The following RAP1A variants were observed in gnomAD, a reference collection of about 807,000 sequenced individuals.
The protein encoded by RAP1A is ras-related protein Rap-1A.
RAP1A carries 6 observed loss-of-function variants against 26.4 expected under a neutral mutation model. The observed-to-expected ratio is 0.23, with a 90% CI of 0.12 to 0.45. The LOEUF is 0.45. Ranked by LOEUF, RAP1A falls within the 20% of genes least tolerant of loss-of-function variation. RAP1A has a pLI of 0.99. For missense variants in RAP1A, 121 were observed against 217.2 expected (o/e 0.56, Z 2.78); for synonymous variants, 73 against 79.4 (o/e 0.92, Z 0.43).
chr1:111,585,806 T>A (rs779527745), intron 1 of RAP1A, among the ~76,000 whole-genome samples: 4 of 152,172 alleles, frequency 2.6e-5, no homozygotes, highest in African/African-American at 9.7e-5. Context: ...CATTTAATTA[T>A]AAGATAAGCC....
intron 1 of RAP1A, among the ~76,000 whole-genome samples, chr1:111,662,890 C>T (rs370402258): frequency 6.6e-6 from 1 of 151,962 alleles, no homozygotes; most frequent in Non-Finnish European, 1.5e-5. Context: ...CCCAGATATT[C>T]CTGCAAAAGT....
At position 111,628,034 on chromosome 1, in the gene RAP1A, G is replaced by A. The variant is rs561318440; in HGVS notation, c.-28+8100G>A. ...GCCACTTACTAAGTACATGATTGGA[G>A]GCAACCTGCTAAATATGTGTATGAT... is the stretch of plus-strand genomic sequence containing the variant. On this transcript the variant is annotated intron_variant, in intron 1 of 7. Coordinates refer to ENST00000369709, the MANE Select transcript of RAP1A (RefSeq NM_002884.4). 1.4e-4 allele frequency among the ~76,000 whole-genome samples: 22 copies of A among 152,054 alleles called. No homozygotes were observed. In the South Asian group the frequency reaches 3.5e-3, roughly 24 times the overall value.
intron 1 of RAP1A, among the ~76,000 whole-genome samples, chr1:111,574,530 T>C (rs1658109466): frequency 6.6e-6 from 1 of 152,252 alleles, no homozygotes; most frequent in South Asian, 2.1e-4. Flanking sequence ...GCACTGGATC[T>C]GTAAATTGCT....
chr1:111,634,303 G>A (rs554052952), intron 1 of RAP1A, among the ~76,000 whole-genome samples: 4 of 151,970 alleles, frequency 2.6e-5, no homozygotes, highest in Non-Finnish European at 5.9e-5. Flanking sequence ...AGGCCAAAGT[G>A]TTCTATAGAA....
rs1402915441 is a variant in RAP1A at position 111,593,679 on chromosome 1, T to TTTTTA, written c.-28+51170_-28+51171insTTTTA. Among the ~76,000 whole-genome samples, 4 of 144,130 alleles carry TTTTTA rather than the reference T, an allele frequency of 2.8e-5. No individual in the cohort carries two copies. The East Asian group carries it at 8.0e-4, about 29-fold the overall frequency. 94.6% of individuals were successfully genotyped at this position (144,130 alleles called of 152,430 possible). A position where few individuals can be genotyped will look rare whatever the true frequency, so the allele number is the denominator to read the frequency against. Reference sequence around the variant, plus strand: ...TTTTTTTTTTTTTTTTTTTTTTTTTTACCTTTCTAAGTAAAAAAGGAGTGG... The same window carrying TTTTTA: ...TTTTTTTTTTTTTTTTTTTTTTTTTTTTTTAACCTTTCTAAGTAAAAAAGGAGTGG... On this transcript the variant is annotated intron_variant, in intron 1 of 7. Transcript: ENST00000356415.
At chr1:111,547,037 T>A (rs1657058720) in intron 1 of RAP1A, among the ~76,000 whole-genome samples, 1 of 152,226 alleles carries the variant, frequency 6.6e-6, no homozygotes. Flanking sequence ...CTGTTGTGCA[T>A]CAAATTATTT....
At chr1:111,701,141 T>G (rs981915540) in intron 4 of RAP1A, among the ~76,000 whole-genome samples, 8 of 151,946 alleles carry the variant, frequency 5.3e-5, no homozygotes, top group Admixed American at 2.7e-4. Context: ...CCCTGAAAGG[T>G]CCAAATGAGA....
At chr1:111,701,034 C>T (rs1203270451) in intron 4 of RAP1A, among the ~76,000 whole-genome samples, 1 of 152,170 alleles carries the variant, frequency 6.6e-6, no homozygotes, top group African/African-American at 2.4e-5. Flanking sequence ...CACACAGTAA[C>T]CATCATAATT....
intron 1 of RAP1A, among the ~76,000 whole-genome samples, chr1:111,597,004 G>A (rs1658575614): frequency 1.3e-5 from 2 of 152,148 alleles, no homozygotes; most frequent in Non-Finnish European, 2.9e-5. Flanking sequence ...CGAAAGGTGT[G>A]GGCTGGAGTT....
chr1:111,585,954 C>T (rs1375697618), intron 1 of RAP1A, among the ~76,000 whole-genome samples: 1 of 152,202 alleles, frequency 6.6e-6, no homozygotes, highest in Non-Finnish European at 1.5e-5. Flanking sequence ...TCCTGCCACC[C>T]TCCATTGCAT....
intron 1 of RAP1A, among the ~76,000 whole-genome samples, chr1:111,678,615 A>G (rs1661200114): frequency 6.6e-6 from 1 of 152,204 alleles, no homozygotes; most frequent in African/African-American, 2.4e-5. Flanking sequence ...AGAATACTGT[A>G]GGCAGTTGTA....
At chr1:111,649,453 T>A in intron 1 of RAP1A, 1 of 347,298 alleles carries the variant, frequency 2.9e-6, no homozygotes, top group Non-Finnish European at 5.6e-6. Context: ...CCCCAGCACC[T>A]GGATAGACGC....
At chr1:111,635,188 A>G (rs1659690929) in intron 1 of RAP1A, among the ~76,000 whole-genome samples, 1 of 152,196 alleles carries the variant, frequency 6.6e-6, no homozygotes, top group African/African-American at 2.4e-5. Flanking sequence ...GAGAAATAGG[A>G]AAGATTTTGT....
rs567632426 is a variant in RAP1A, at chr1:111,663,959, A to G, written c.-27-27375A>G. 6.6e-5 allele frequency among the ~76,000 whole-genome samples: 10 copies of G among 152,248 alleles called. No individual in the cohort carries two copies. The East Asian group carries it at 7.7e-4, about 12-fold the overall frequency. On this transcript the variant is annotated intron_variant, in intron 1 of 7. Transcript: ENST00000369709. ...CTCTGTTGCAATCTACAGAGTACTC[A>G]TAGAGCTTTCTTTTTTCTCTTCAAA... is the stretch of plus-strand genomic sequence containing the variant.
intron 1 of RAP1A, among the ~76,000 whole-genome samples, chr1:111,591,954 C>A (rs1395218487): frequency 6.6e-6 from 1 of 152,208 alleles, no homozygotes; most frequent in African/African-American, 2.4e-5. Flanking sequence ...AAGTTCAGAG[C>A]CCCATTTTGG....
chr1:111,565,380 T>A (rs954307058), intron 1 of RAP1A, among the ~76,000 whole-genome samples: 1 of 152,202 alleles, frequency 6.6e-6, no homozygotes, highest in Non-Finnish European at 1.5e-5. Context: ...GATACAGAGA[T>A]GAATAAGACA....
upstream of RAP1A, among the ~76,000 whole-genome samples, chr1:111,616,598 T>C (rs1450646073): frequency 2.6e-5 from 4 of 152,212 alleles, no homozygotes; most frequent in Admixed American, 2.0e-4. Context: ...TACCACTTTT[T>C]ACTTGCCCTG....
chr1:111,657,667 T>C (rs1376905710), intron 1 of RAP1A, among the ~76,000 whole-genome samples: 5 of 152,194 alleles, frequency 3.3e-5, no homozygotes, highest in African/African-American at 4.8e-5. Flanking sequence ...TTCTTTTGCA[T>C]GTGAATATCC....
chr1:111,699,848 A>G (rs1468379814), intron 4 of RAP1A, among the ~76,000 whole-genome samples: 1 of 152,016 alleles, frequency 6.6e-6, no homozygotes, highest in African/African-American at 2.4e-5. Context: ...TATCCCTTAT[A>G]TCTTCAACCC....
Sources: allele counts gnomAD v4.1 joint callset (sites outside exome capture counted in the v4.1 genomes callset), GRCh38; gene constraint gnomAD v4.1.1; transcripts MANE v1.5; gene names NCBI Gene and HGNC (gene_info 2026-07-23, HGNC 2026-07-21).